Variants in CR1L observed in about 807,000 individuals in gnomAD.
CR1L encodes complement component receptor 1-like protein.
Under a neutral mutation model 62.3 loss-of-function variants are expected in CR1L, and 59 were observed. The observed-to-expected ratio is 0.95, with a 90% CI of 0.77 to 1.18. The LOEUF (loss-of-function observed/expected upper bound fraction) is 1.18. Among genes scored for constraint, CR1L ranks in the 50% most tolerant of loss-of-function variants. The pLI is 0.00. For missense variants in CR1L, 700 were observed against 702.8 expected, an observed-to-expected ratio of 1.00 and a Z score of 0.04; for synonymous variants, 279 against 248.7, an observed-to-expected ratio of 1.12 and a Z score of -1.15.
chr1:207,698,456 C>G (rs776870667), intron 7 of CR1L, among the ~76,000 whole-genome samples: 4 of 152,094 alleles, frequency 2.6e-5, no homozygotes, highest in Non-Finnish European at 5.9e-5. Flanking sequence ...AAGGTCATTA[C>G]CTTGTTTATG....
At chr1:207,689,225 T>G (rs2102465493) in intron 4 of CR1L, among the ~76,000 whole-genome samples, 1 of 152,270 alleles carries the variant, frequency 6.6e-6, no homozygotes, top group East Asian at 1.9e-4. Context: ...GTATTGAGAT[T>G]ATCATGTTTC....
intron 4 of CR1L, among the ~76,000 whole-genome samples, chr1:207,693,862 T>C (rs1284313086): frequency 6.6e-6 from 1 of 152,174 alleles, no homozygotes; most frequent in Non-Finnish European, 1.5e-5. Flanking sequence ...ATTTTCAAAA[T>C]ATTTAACCCC....
At chr1:207,652,640 G>A (rs1248833855) in intron 1 of CR1L, 6 of 1,238,940 alleles carry the variant, frequency 4.8e-6, no homozygotes, top group South Asian at 1.2e-5. Flanking sequence ...GATTATAAGT[G>A]TAAAAAAGGA....
intron 5 of CR1L, among the ~76,000 whole-genome samples, chr1:207,695,803 G>A (rs1664094209): frequency 6.6e-6 from 1 of 152,166 alleles, no homozygotes; most frequent in South Asian, 2.1e-4. Context: ...GCTGGCAGGA[G>A]ACAGCAACTA....
intron 2 of CR1L, among the ~76,000 whole-genome samples, 153 bp from the exon 3 acceptor site, chr1:207,678,045 C>CG (rs1289604071): frequency 6.6e-6 from 1 of 152,164 alleles, no homozygotes; most frequent in Non-Finnish European, 1.5e-5. Context: ...GATCCTGAGG[C>CG]AGTCTGGTGA....
chr1:207,646,947 T>A (rs1477025627), intron 1 of CR1L, among the ~76,000 whole-genome samples: 1 of 152,218 alleles, frequency 6.6e-6, no homozygotes, highest in Non-Finnish European at 1.5e-5. Context: ...ATGGGTCTTG[T>A]ATGTCTGGTG....
intron 3 of CR1L, among the ~76,000 whole-genome samples, chr1:207,681,496 A>C (rs189532241): frequency 1.3e-5 from 2 of 152,362 alleles, no homozygotes; most frequent in African/African-American, 4.8e-5. Flanking sequence ...TCAAACCATT[A>C]TTTGTTCAAG....
intron 4 of CR1L, among the ~76,000 whole-genome samples, chr1:207,691,884 C>T (rs1664002986): frequency 6.6e-6 from 1 of 152,192 alleles, no homozygotes; most frequent in Non-Finnish European, 1.5e-5. Flanking sequence ...ATGAACGATT[C>T]GCAAATCAGG....
intron 4 of CR1L, among the ~76,000 whole-genome samples, chr1:207,693,370 G>A (rs374543568): frequency 1.3e-4 from 19 of 150,722 alleles, no homozygotes; most frequent in African/African-American, 4.1e-4. Flanking sequence ...TGCCCACCTG[G>A]GCCACCCAAA....
chr1:207,652,599 A>G, intron 1 of CR1L: 4 of 1,540,532 alleles, frequency 2.6e-6, no homozygotes, highest in Non-Finnish European at 3.6e-6. Flanking sequence ...TTGGTAAACC[A>G]AAACCCTACT....
intron 1 of CR1L, among the ~76,000 whole-genome samples, chr1:207,665,186 TG>T (rs1438572098): frequency 6.6e-6 from 1 of 151,916 alleles, no homozygotes; most frequent in East Asian, 1.9e-4. Context: ...CCCGAGTAGC[TG>T]GGGCTACAGG....
chr1:207,693,431 G>T (rs550996806), intron 4 of CR1L, among the ~76,000 whole-genome samples: 1 of 152,282 alleles, frequency 6.6e-6, no homozygotes, highest in Non-Finnish European at 1.5e-5. Context: ...ATAGCTTTTT[G>T]AATCTGTAAT....
chr1:207,710,274 T>C, intron 10 of CR1L: 2 of 692,878 alleles, frequency 2.9e-6, no homozygotes, highest in Non-Finnish European at 5.0e-6. Context: ...ACCTGGGAAG[T>C]TGAGATTGCA....
intron 7 of CR1L, among the ~76,000 whole-genome samples, chr1:207,698,822 T>C (rs879484900): frequency 1.3e-5 from 2 of 152,158 alleles, no homozygotes; most frequent in Admixed American, 6.5e-5. Flanking sequence ...CTGGGAGCTG[T>C]TTTACTTGCT....
At chr1:207,666,176 C>T (rs1033159036) in intron 1 of CR1L, among the ~76,000 whole-genome samples, 1 of 152,184 alleles carries the variant, frequency 6.6e-6, no homozygotes, top group Admixed American at 6.5e-5. Flanking sequence ...TTTCCAACTC[C>T]AGCACTGGAA....
chr1:207,667,140 C>CA (rs1663536182), intron 1 of CR1L, among the ~76,000 whole-genome samples: 1 of 152,216 alleles, frequency 6.6e-6, no homozygotes. Flanking sequence ...TAAAAAACAA[C>CA]AACAATGAAA....
At chr1:207,707,622 C>T (rs1006507212) in intron 9 of CR1L, among the ~76,000 whole-genome samples, 6 of 151,884 alleles carry the variant, frequency 4.0e-5, no homozygotes, top group Non-Finnish European at 8.8e-5. Flanking sequence ...AGCCAGACTC[C>T]GTCTAAAAAA....
At chr1:207,655,080 C>A (rs1350707131) in intron 1 of CR1L, 2 of 300,300 alleles carry the variant, frequency 6.7e-6, no homozygotes, top group African/African-American at 2.2e-5. Flanking sequence ...AAGAAACCAC[C>A]CCCCTCAAAT....
intron 8 of CR1L, among the ~76,000 whole-genome samples, 168 bp downstream of exon 8, chr1:207,699,442 T>A (rs1306044139): frequency 6.6e-6 from 1 of 152,248 alleles, no homozygotes; most frequent in African/African-American, 2.4e-5. Context: ...ACATCACCTG[T>A]CTTTGGAACT....
Sources: gnomAD v4.1 joint callset for allele counts (sites outside exome capture counted in the v4.1 genomes callset) on GRCh38, gnomAD v4.1.1 for gene constraint, MANE v1.5 for transcripts, NCBI Gene and HGNC (gene_info 2026-07-23, HGNC 2026-07-21) for gene names.